The following GRM7 variants were observed in gnomAD, a reference collection of about 807,000 sequenced individuals.
GRM7 encodes the protein glutamate metabotropic receptor 7, also known as metabotropic glutamate receptor 7.
Under a neutral mutation model 84.5 loss-of-function variants are expected in GRM7, and 35 were observed. The ratio of observed to expected loss-of-function variants is 0.41; its 90% confidence interval spans 0.32 to 0.55. GRM7 has a LOEUF of 0.55. Among genes scored for constraint, GRM7 ranks in the 20% least tolerant of loss-of-function variants. The pLI is 0.19. For synonymous variants in GRM7, 487 were observed against 455.1 expected (o/e 1.07, Z -0.89); for missense variants, 1,003 against 1,194.6 (o/e 0.84, Z 2.36).
chr3:7,613,633 C>A (rs187996157), intron 8 of GRM7, among the ~76,000 whole-genome samples: 121 of 152,250 alleles, frequency 7.9e-4, no homozygotes, highest in African/African-American at 2.8e-3. Flanking sequence ...TCTGAGCATT[C>A]TCCTGAACAC....
chr3:7,671,813 A>C (rs1358947656), intron 8 of GRM7, among the ~76,000 whole-genome samples: 1 of 151,648 alleles, frequency 6.6e-6, no homozygotes, highest in East Asian at 1.9e-4. Context: ...TGTGTTACCT[A>C]CTCTTTACAC....
intron 2 of GRM7, among the ~76,000 whole-genome samples, chr3:7,181,476 G>C (rs1355784163): frequency 2.0e-5 from 3 of 151,718 alleles, no homozygotes; most frequent in Non-Finnish European, 2.9e-5. Context: ...TTTTTTTAAG[G>C]CATTAAAAAT....
chr3:6,900,068 G>A (rs1441690688), intron 1 of GRM7, among the ~76,000 whole-genome samples: 1 of 152,146 alleles, frequency 6.6e-6, no homozygotes, highest in Admixed American at 6.6e-5. Flanking sequence ...AAATAAAGGT[G>A]AAAAGTAAGG....
chr3:7,469,751 A>G (rs142028338), intron 7 of GRM7, among the ~76,000 whole-genome samples: 1 of 152,290 alleles, frequency 6.6e-6, no homozygotes, highest in East Asian at 1.9e-4. Flanking sequence ...AGTTATTTTT[A>G]TTTGTCAGCA....
chr3:6,946,952 G>A (rs62235421), intron 1 of GRM7, among the ~76,000 whole-genome samples: 11,051 of 152,228 alleles, frequency 0.073, 556 homozygotes, highest in Non-Finnish European at 0.11. Flanking sequence ...GAGATTTTGG[G>A]CTGAGAGGAT....
intron 8 of GRM7, among the ~76,000 whole-genome samples, chr3:7,604,197 C>T (rs184031413): frequency 6.6e-6 from 1 of 150,816 alleles, no homozygotes; most frequent in Admixed American, 6.6e-5. Context: ...ATGCTTATTA[C>T]AGTCTTGCTC....
At chr3:7,300,449 G>T (rs1385615234) in intron 3 of GRM7, among the ~76,000 whole-genome samples, 1 of 152,188 alleles carries the variant, frequency 6.6e-6, no homozygotes, top group African/African-American at 2.4e-5. Context: ...AGCACTGTCT[G>T]ACCTTGGGCA....
chr3:7,474,151 C>G (rs934493622), intron 7 of GRM7, among the ~76,000 whole-genome samples: 2 of 152,052 alleles, frequency 1.3e-5, no homozygotes, highest in African/African-American at 4.8e-5. Context: ...CTTTCAGAAC[C>G]AAAATAGCAC....
Position 7,190,322 on chromosome 3 carries a change from C to A in GRM7, c.736+43654C>A, listed in dbSNP as rs576779223. 3.3e-5 allele frequency among the ~76,000 whole-genome samples: 5 copies of A among 152,184 alleles called. No homozygotes were observed. In the South Asian group the frequency reaches 8.3e-4, roughly 25 times the overall value. Reference sequence around the variant, plus strand: ...TATTCCTTAACCACCTTAAACTTATCTGTTAGTTATTCTCAGCGTACAGTG... The same window carrying A: ...TATTCCTTAACCACCTTAAACTTATATGTTAGTTATTCTCAGCGTACAGTG... On this transcript the variant is annotated intron_variant, in intron 2 of 9. Coordinates refer to ENST00000357716, the MANE Select transcript of GRM7 (RefSeq NM_000844.4).
At chr3:6,948,710 A>C (rs1018783960) in intron 1 of GRM7, among the ~76,000 whole-genome samples, 7 of 152,266 alleles carry the variant, frequency 4.6e-5, no homozygotes, top group South Asian at 2.1e-4. Context: ...GTAGGTCACT[A>C]AGGACTTGCT....
chr3:7,168,411 G>A (rs1231024313), intron 2 of GRM7, among the ~76,000 whole-genome samples: 2 of 152,056 alleles, frequency 1.3e-5, no homozygotes, highest in Non-Finnish European at 2.9e-5. Context: ...CATGAAGGTC[G>A]GGACTTCCTG....
chr3:7,010,826 A>T (rs1050330086), intron 1 of GRM7, among the ~76,000 whole-genome samples: 1 of 152,186 alleles, frequency 6.6e-6, no homozygotes, highest in Non-Finnish European at 1.5e-5. Flanking sequence ...TCTGGGCAAG[A>T]TCATGGAGAG....
intron 8 of GRM7, among the ~76,000 whole-genome samples, chr3:7,625,148 G>A (rs17723273): frequency 0.13 from 19,619 of 152,100 alleles, 1,493 homozygotes; most frequent in Non-Finnish European, 0.17. Context: ...CCCTTAGATC[G>A]CTGGTAATGG....
chr3:7,142,480 C>T (rs912819726), intron 1 of GRM7, among the ~76,000 whole-genome samples: 13 of 152,002 alleles, frequency 8.6e-5, no homozygotes, highest in Non-Finnish European at 1.5e-4. Context: ...GGAGGAAGAG[C>T]GCCTTATAAA....
intron 1 of GRM7, among the ~76,000 whole-genome samples, chr3:7,105,603 A>T (rs1699266007): frequency 6.6e-6 from 1 of 151,856 alleles, no homozygotes; most frequent in Admixed American, 6.6e-5. Context: ...CTTATTTAAG[A>T]ATTGTTGTGG....
intron 1 of GRM7, chr3:6,894,152 G>T (rs144680652): frequency 6.6e-6 from 1 of 152,218 alleles, no homozygotes; most frequent in East Asian, 1.9e-4. Flanking sequence ...AATTTCAATA[G>T]CAGATAGTGA....
chr3:7,405,790 TA>T (rs1443667841), intron 4 of GRM7, among the ~76,000 whole-genome samples: 1 of 152,042 alleles, frequency 6.6e-6, no homozygotes, highest in East Asian at 1.9e-4. Flanking sequence ...TATAAGGAAT[TA>T]AAAAACGTGA....
intron 2 of GRM7, among the ~76,000 whole-genome samples, chr3:7,199,570 C>T (rs1325482237): frequency 2.0e-5 from 3 of 152,192 alleles, no homozygotes; most frequent in Admixed American, 1.3e-4. Flanking sequence ...TTTACTCACT[C>T]CCACCAGCCC....
intron 2 of GRM7, among the ~76,000 whole-genome samples, chr3:7,232,123 CA>C (rs2124902296): frequency 6.6e-6 from 1 of 152,134 alleles, no homozygotes; most frequent in South Asian, 2.1e-4. Context: ...GCAGTTTTGA[CA>C]AATGATGGGA....
Sources: gnomAD v4.1 joint callset for allele counts (sites outside exome capture counted in the v4.1 genomes callset) on GRCh38, gnomAD v4.1.1 for gene constraint, MANE v1.5 for transcripts, NCBI Gene and HGNC (gene_info 2026-07-23, HGNC 2026-07-21) for gene names.